SCRIB: variants seen among roughly 807,000 people sequenced by gnomAD.
The protein encoded by SCRIB is scribble planar cell polarity protein.
SCRIB carries 72 observed loss-of-function variants against 170.0 expected under a neutral mutation model. That is an observed-to-expected ratio of 0.42 (90% confidence interval 0.35 to 0.52). The LOEUF is 0.52. SCRIB is among the 20% of genes least tolerant of loss of function. The pLI is 0.02. For missense variants in SCRIB, 2,475 were observed against 2,338.5 expected, an observed-to-expected ratio of 1.06 and a Z score of -1.20; for synonymous variants, 1,298 against 1,044.3, an observed-to-expected ratio of 1.24 and a Z score of -4.68.
chr8:143,794,528 G>A (rs1416305110), intron 27 of SCRIB, among the ~76,000 whole-genome samples: 8 of 152,172 alleles, frequency 5.3e-5, no homozygotes, highest in African/African-American at 1.7e-4. Context: ...GCCTGCAGGA[G>A]CCACCCCTCG....
rs1258451303 is a variant in SCRIB at position 143,815,334 on chromosome 8, G to A, written c.39C>T (p.His13=). The A allele has an allele frequency of 1.2e-5, 19 of 1,559,820 alleles. No individual in the cohort carries two copies. Among genetic ancestry groups the A allele is most frequent in the Non-Finnish European group, 1.5e-5 (17 of 1,154,258 alleles). The change falls in exon 1 of 37, where the codon CAC becomes CAT. Residue 13 remains histidine (H), a synonymous_variant. Transcript: ENST00000356994. ...AGTGCCGCTTGTCCACCGACTCCAC[G>A]TGCCGGTTGCAGCGCCACAGCGGGA... ...KCIPLWRCNR[H]VESVDKRHCS...
rs62522485 is a variant in SCRIB at position 143,806,079 on chromosome 8, G to C, written c.2346+328C>G. 4.7e-3 allele frequency among the ~76,000 whole-genome samples: 715 copies of C among 152,252 alleles called. 5 individuals carry two copies. Among genetic ancestry groups the C allele is most frequent in the South Asian group, 0.025 (122 of 4,826 alleles). On this transcript the variant is annotated intron_variant, in intron 18 of 36. Transcript: ENST00000356994. ...GCCTGACCCCTCTCGGTCAGCCCAGGAGCGGCCCCTCCTGGAGAGGCCACT... is the reference window on the plus strand; with the variant it reads ...GCCTGACCCCTCTCGGTCAGCCCAGCAGCGGCCCCTCCTGGAGAGGCCACT...
chr8:143,802,310 G>C (rs1815207809), intron 24 of SCRIB, among the ~76,000 whole-genome samples: 1 of 152,242 alleles, frequency 6.6e-6, no homozygotes, highest in South Asian at 2.1e-4. Flanking sequence ...GCTGGCTGTG[G>C]GTCAGGACAC....
chr8:143,809,732 T>C lies in SCRIB; in HGVS notation c.1531-14A>G, dbSNP rs750952118. ...CAGCCGCTTCTCCTGCGGCGGGAAG[T>C]GGGGTCAGGCTTCGACGGAGCTCCC... On this transcript the variant is annotated splice_polypyrimidine_tract_variant and intron_variant, in intron 13 of 36. Transcript: ENST00000356994. The C allele has an allele frequency of 2.5e-6, 4 of 1,605,072 alleles. No individual in the cohort carries two copies. Among genetic ancestry groups the C allele is most frequent in the Admixed American group, 1.7e-5 (1 of 59,962 alleles).
chr8:143,800,106 G>A (rs892796288), intron 24 of SCRIB, among the ~76,000 whole-genome samples: 1 of 140,698 alleles, frequency 7.1e-6, no homozygotes, highest in Non-Finnish European at 1.5e-5. Context: ...GCCGTGCCAC[G>A]TCCTCTGAGC....
chr8:143,791,199 C>A lies in SCRIB; in HGVS notation c.4932G>T (p.Arg1644Ser). ...CAGGGCCCAGGCCACGGCGCCCAGG[C>A]CTTACGGGGCGGCGGCTGCTGCACA... is the stretch of plus-strand genomic sequence containing the variant. Reference protein sequence around the residue: ...VALCSSRRPVRPGRRGLGPVP... With the variant: ...VALCSSRRPVSPGRRGLGPVP... The change falls in exon 37 of 37, where the codon AGG (arginine) becomes AGT (serine). Residue 1644 changes from arginine to serine, a missense_variant. Around this residue, in one of 3 missense-constraint regions of SCRIB, gnomAD observed 22 missense variants for 37.5 expected, o/e 0.59. Transcript: ENST00000356994. 6.9e-7 allele frequency: 1 copy of A among 1,444,874 alleles called. No individual in the cohort carries two copies. Among genetic ancestry groups the A allele is most frequent in the East Asian group, 2.5e-5 (1 of 39,332 alleles). The allele number at this position is 1,444,874 out of a possible 1,614,324, so 89.5% of individuals were successfully genotyped here.
Position 143,808,622 on chromosome 8 carries a change from G to A in SCRIB, c.2102C>T (p.Ala701Val), listed in dbSNP as rs369003173. Residue 701 changes from alanine to valine, a missense_variant, in exon 15 of 37, where the codon GCG (alanine) becomes GTG (valine). Ala to Val is a moderately conservative substitution (Grantham distance 64, BLOSUM62 0). Coordinates refer to ENST00000356994, the MANE Select transcript of SCRIB (RefSeq NM_182706.5). ...EEDKEGAVVS[A>V]PSVKGVSFDQ... ...GCTGACACCAACCTTGACAGAGGGCGCAGAAACCACGGCCCCCTCCTTGTC... is the reference window on the plus strand; with the variant it reads ...GCTGACACCAACCTTGACAGAGGGCACAGAAACCACGGCCCCCTCCTTGTC... The A allele has an allele frequency of 3.7e-5, 56 of 1,510,212 alleles. No individual in the cohort carries two copies. Among genetic ancestry groups the A allele is most frequent in the Admixed American group, 2.3e-4 (10 of 43,400 alleles). The allele number at this position is 1,510,212 out of a possible 1,614,324, so 93.6% of individuals were successfully genotyped here.
At chr8:143,807,275 G>C (rs959369778) in intron 16 of SCRIB, among the ~76,000 whole-genome samples, 1 of 151,414 alleles carries the variant, frequency 6.6e-6, no homozygotes, top group Admixed American at 6.6e-5. Context: ...AGGCCCCCCT[G>C]CCACCCTCGA....
intron 9 of SCRIB, among the ~76,000 whole-genome samples, chr8:143,811,765 T>C (rs1815735723): frequency 6.6e-6 from 1 of 151,954 alleles, no homozygotes; most frequent in African/African-American, 2.4e-5. Flanking sequence ...CCAGAGTCCC[T>C]TTCTCCATCT....
rs1253002884 is a variant in SCRIB at position 143,810,524 on chromosome 8, G to C, written c.1485C>G (p.Ala495=). The change falls in exon 13 of 37, where the codon GCC becomes GCG. Residue 495 remains alanine (A), a synonymous_variant. Transcript: ENST00000356994. ...ACCCAGAGTCTGGCTGGCAAGGGCAGGCCTCGCTCCGCCGCCCCTCGATGC... is the reference window on the plus strand; with the variant it reads ...ACCCAGAGTCTGGCTGGCAAGGGCACGCCTCGCTCCGCCGCCCCTCGATGC... ...KRSIEGRRSE[A]CPCQPDSGSP... 1 of 1,612,674 alleles carries C rather than the reference G, an allele frequency of 6.2e-7. No individual in the cohort carries two copies. The highest frequency in any genetic ancestry group is 1.3e-5 in the African/African-American group (1 of 74,932).
At position 143,795,501 on chromosome 8, in the gene SCRIB, A is replaced by T. The variant is rs2130009975; in HGVS notation, c.3633T>A (p.Phe1211Leu). 1 of 1,613,094 alleles carries T rather than the reference A, an allele frequency of 6.2e-7. No individual in the cohort carries two copies. Residue 1211 changes from phenylalanine (F) to leucine (L), a missense_variant, in exon 25 of 37, where the codon TTT becomes TTA. Phe to Leu is a conservative substitution (Grantham distance 22). Transcript: ENST00000356994. ...TGTTCCGGTGGCCGATGCCTGCCGC[A>T]AAGGGGTTGGCAATGACACCTGGGG... ...EVSPGVIANP[F>L]AAGIGHRNSL...
rs1245570090 is a variant in SCRIB, at chr8:143,793,082, G to T, written c.3911C>A (p.Pro1304Gln). 6.8e-7 allele frequency: 1 copy of T among 1,461,972 alleles called. No individual in the cohort carries two copies. Among genetic ancestry groups the T allele is most frequent in the Non-Finnish European group, 9.1e-7 (1 of 1,104,124 alleles). 90.6% of individuals were successfully genotyped at this position (1,461,972 alleles called of 1,614,324 possible). Reference sequence around the variant, plus strand: ...CTCATCCGGAGAAGGCGGGGAGGGCGGCTGGGGGGTGGGGCTCTTGTGAGC... The same window carrying T: ...CTCATCCGGAGAAGGCGGGGAGGGCTGCTGGGGGGTGGGGCTCTTGTGAGC... The part of the protein sequence containing the change: ...ESPCSPSGQQ[P>Q]PSPPSPDELP... The change falls in exon 29 of 37, where the codon CCG becomes CAG. Residue 1304 changes from proline to glutamine, a missense_variant and splice_region_variant. Coordinates refer to ENST00000356994, the MANE Select transcript of SCRIB (RefSeq NM_182706.5).
At position 143,790,964 on chromosome 8, in the gene SCRIB, A is replaced by AGAG; in HGVS notation, c.*196_*198dup. 6.3e-6 allele frequency: 3 copies of AGAG among 478,718 alleles called. No homozygotes were observed. The highest frequency in any genetic ancestry group is 1.1e-3 in the Middle Eastern group (2 of 1,786). The allele number at this position is 478,718 out of a possible 1,614,324, so 29.7% of individuals were successfully genotyped here. On this transcript the variant is annotated 3_prime_UTR_variant, in exon 37 of 37. Transcript: ENST00000356994. ...CTTTATTCTCCTTAAACCACAAAAT[A>AGAG]GAGTCTTTGGTTGTACAAACATCAC...
Position 143,803,509 on chromosome 8 carries a change from C to T in SCRIB, c.3477G>A (p.Glu1159=). The part of the protein sequence containing the change: ...GRLRVGLRLL[E]VNQQSLLGLT... ...GGCCCAGCAGGCTCTGCTGGTTCAC[C>T]TCCAACAGCCGCAAACCCACACGCA... is the stretch of plus-strand genomic sequence containing the variant. Residue 1159 remains glutamate, a synonymous_variant, in exon 24 of 37, where the codon GAG becomes GAA. Transcript: ENST00000356994. 6.2e-7 allele frequency: 1 copy of T among 1,603,292 alleles called. No homozygotes were observed. Among genetic ancestry groups the T allele is most frequent in the Non-Finnish European group, 8.5e-7 (1 of 1,179,434 alleles).
intron 1 of SCRIB, 92 bp downstream of exon 1, chr8:143,815,122 G>A (rs1816011627): frequency 7.3e-7 from 1 of 1,365,302 alleles, no homozygotes; most frequent in South Asian, 1.5e-5. Flanking sequence ...GCCGGCTGGA[G>A]GCTGCGGTGA....
In SCRIB at chr8:143,792,575, T is replaced by G. The variant is rs868957742; in HGVS notation, c.4238A>C (p.Glu1413Ala). The change falls in exon 31 of 37, where the codon GAA becomes GCA. Residue 1413 changes from glutamate to alanine, a missense_variant. Glu to Ala is a moderately radical substitution (Grantham distance 107, BLOSUM62 -1). Transcript: ENST00000356994. ...CTCCCCGTCCAGGGCGAGCCTCGCT[T>G]CGGCCCCAGCCTCTGCCGCCTCCCG... is the stretch of plus-strand genomic sequence containing the variant. ...MLREAAEAGA[E>A]ARLALDGETL... The G allele has an allele frequency of 2.5e-6, 4 of 1,579,262 alleles. No individual in the cohort carries two copies. The highest frequency in any genetic ancestry group is 3.4e-6 in the Non-Finnish European group (4 of 1,170,482).
intron 9 of SCRIB, 54 bp from the exon 10 acceptor site, chr8:143,811,399 G>T: frequency 6.6e-7 from 1 of 1,519,766 alleles, no homozygotes. Context: ...GGGTGGGAAG[G>T]AGATGACAGC....
chr8:143,811,402 A>C (rs1157686495), intron 9 of SCRIB, 57 bp from the exon 10 acceptor site: 109 of 1,505,686 alleles, frequency 7.2e-5, no homozygotes, highest in Non-Finnish European at 9.7e-5. Flanking sequence ...TGGGAAGGAG[A>C]TGACAGCCCC....
intron 14 of SCRIB, among the ~76,000 whole-genome samples, 156 bp downstream of exon 14, chr8:143,809,395 C>G (rs1815598284): frequency 6.6e-6 from 1 of 152,128 alleles, no homozygotes; most frequent in African/African-American, 2.4e-5. Flanking sequence ...CACGGCCCTG[C>G]ACCACCCGTA....
Sources: allele counts gnomAD v4.1 joint callset (sites outside exome capture counted in the v4.1 genomes callset), GRCh38; gene constraint gnomAD v4.1.1; regional missense constraint gnomAD v4.1.1; transcripts MANE v1.5; gene names NCBI Gene and HGNC (gene_info 2026-07-23, HGNC 2026-07-21).